The following TATDN3 variants were observed in gnomAD, a reference collection of about 807,000 sequenced individuals.
The protein encoded by TATDN3 is deoxyribonuclease TATDN3.
Under a neutral mutation model 40.1 loss-of-function variants are expected in TATDN3, and 29 were observed. The ratio of observed to expected loss-of-function variants is 0.72; its 90% CI spans 0.54 to 0.99. The LOEUF (loss-of-function observed/expected upper bound fraction) is 0.99, where lower values mean the gene tolerates loss of function less well. Ranked by LOEUF, TATDN3 falls within the 50% of genes least tolerant of loss-of-function variation. TATDN3 has a pLI of 0.00. For missense variants in TATDN3, 309 were observed against 321.9 expected, an observed-to-expected ratio of 0.96 and a Z score of 0.31; for synonymous variants, 105 against 117.0, an observed-to-expected ratio of 0.90 and a Z score of 0.66.
intron 4 of TATDN3, among the ~76,000 whole-genome samples, chr1:212,799,809 G>A (rs1420216599): frequency 6.6e-6 from 1 of 152,292 alleles, no homozygotes; most frequent in African/African-American, 2.4e-5. Flanking sequence ...AAAGTGCTGG[G>A]ATTATAGGTG....
intron 7 of TATDN3, among the ~76,000 whole-genome samples, chr1:212,805,437 G>C (rs1662400642): frequency 6.6e-6 from 1 of 151,814 alleles, no homozygotes; most frequent in Admixed American, 6.6e-5. Flanking sequence ...TGTATTTTTA[G>C]TAGAGATGGG....
rs572349444 is a variant in TATDN3, at chr1:212,809,456, G to A, written c.600+1608G>A. ...TCCCAGCACTTTGGGAGGCCGAGGC[G>A]GGCAGATCACGAGGTCAGGAGATCG... On this transcript the variant is annotated intron_variant, in intron 8 of 9. Transcript: ENST00000366974. 2.2e-3 allele frequency among the ~76,000 whole-genome samples: 340 copies of A among 151,510 alleles called. 3 individuals carry two copies. The highest frequency in any genetic ancestry group is 8.1e-3 in the African/African-American group (333 of 41,300).
intron 8 of TATDN3, among the ~76,000 whole-genome samples, chr1:212,808,312 CAAA>C (rs34100841): frequency 9.0e-6 from 1 of 111,460 alleles, no homozygotes. Context: ...AACTCCATCT[CAAA>C]AAAAAAAAAA....
chr1:212,798,325 C>CAAA (rs1269567768), intron 4 of TATDN3, among the ~76,000 whole-genome samples: 1 of 146,280 alleles, frequency 6.8e-6, no homozygotes, highest in African/African-American at 2.5e-5. Context: ...GACTCCATCT[C>CAAA]AAAAAAAAAA....
intron 4 of TATDN3, among the ~76,000 whole-genome samples, chr1:212,798,505 T>A (rs1661947427): frequency 7.9e-6 from 1 of 126,000 alleles, no homozygotes; most frequent in Admixed American, 9.9e-5. Context: ...AAGACCAGCC[T>A]GGGCAACATG....
chr1:212,800,632 T>A (rs1445506892), intron 4 of TATDN3, among the ~76,000 whole-genome samples: 1 of 152,162 alleles, frequency 6.6e-6, no homozygotes, highest in African/African-American at 2.4e-5. Flanking sequence ...TCTGAATAAA[T>A]CTCTTCTCCT....
intron 7 of TATDN3, among the ~76,000 whole-genome samples, chr1:212,806,807 CACAT>C (rs1662535140): frequency 1.2e-5 from 1 of 80,770 alleles, no homozygotes; most frequent in African/African-American, 4.0e-5. Context: ...CACATATATA[CACAT>C]ATATACACAT....
chr1:212,800,635 C>T lies in TATDN3; in HGVS notation c.259-2066C>T, dbSNP rs72743904. On this transcript the variant is annotated intron_variant, in intron 4 of 9. Transcript: ENST00000366974. ...ATTTAAAATCATTCTGAATAAATCTCTTCTCCTCCTTTGATCCCTTTTGCC... is the reference window on the plus strand; with the variant it reads ...ATTTAAAATCATTCTGAATAAATCTTTTCTCCTCCTTTGATCCCTTTTGCC... Among the ~76,000 whole-genome samples, 1,146 of 152,158 alleles carry T rather than the reference C, an allele frequency of 7.5e-3. 8 individuals are homozygous for T. The highest frequency in any genetic ancestry group is 0.013 in the Admixed American group (206 of 15,266).
Position 212,816,333 on chromosome 1 carries a change from A to C in TATDN3, c.*1177A>C, listed in dbSNP as rs577514026. 1 of 152,268 alleles carries C rather than the reference A, an allele frequency of 6.6e-6. No individual in the cohort carries two copies. The highest frequency in any genetic ancestry group is 2.1e-4 in the South Asian group (1 of 4,824). The allele number at this position is 152,268 out of a possible 1,614,324, so 9.4% of individuals were successfully genotyped here. On this transcript the variant is annotated 3_prime_UTR_variant, in exon 10 of 10. Coordinates refer to ENST00000366974, the MANE Select transcript of TATDN3 (RefSeq NM_001042552.3). ...ATCTCTAAAAATGTAAATAAATAAA[A>C]ATCTCAAAAAAATTAAAAATCTCAA...
chr1:212,814,566 A>C (rs1663084032), intron 9 of TATDN3, among the ~76,000 whole-genome samples: 1 of 152,248 alleles, frequency 6.6e-6, no homozygotes, highest in Non-Finnish European at 1.5e-5. Context: ...TCTTAGAATC[A>C]GTGAAATGCC....
At chr1:212,806,366 C>A (rs1417008396) in intron 7 of TATDN3, among the ~76,000 whole-genome samples, 2 of 101,146 alleles carry the variant, frequency 2.0e-5, no homozygotes, top group African/African-American at 3.4e-5. Context: ...ATTTCTCTCT[C>A]TCTTTTTTTT....
chr1:212,794,814 G>C, intron 1 of TATDN3: 1 of 568,204 alleles, frequency 1.8e-6, no homozygotes, highest in Non-Finnish European at 3.3e-6. Context: ...AGCAAGTGAG[G>C]GATTCCGAAT....
At position 212,804,303 on chromosome 1, in the gene TATDN3, T is replaced by C. The variant is rs1405252320; in HGVS notation, c.322-17T>C. On this transcript the variant is annotated splice_polypyrimidine_tract_variant and intron_variant, in intron 5 of 9. Transcript: ENST00000366974. ...CTTAAACCTAAATATGTAATATCTT[T>C]TATTTTTCTGCTCTAGGTTGGACTA... 3.8e-6 allele frequency: 6 copies of C among 1,592,660 alleles called. No homozygotes were observed. The highest frequency in any genetic ancestry group is 2.2e-5 in the East Asian group (1 of 44,764).
At chr1:212,810,348 T>A (rs1001631483) in intron 8 of TATDN3, among the ~76,000 whole-genome samples, 1 of 151,364 alleles carries the variant, frequency 6.6e-6, no homozygotes. Flanking sequence ...CCGTCTCTAC[T>A]AAAAATACAA....
chr1:212,801,890 CTCAT>C (rs1350810263), intron 4 of TATDN3, among the ~76,000 whole-genome samples: 2 of 152,194 alleles, frequency 1.3e-5, no homozygotes, highest in African/African-American at 2.4e-5. Context: ...TTCTCTCTCT[CTCAT>C]AGTTGTAAAA....
intron 1 of TATDN3, chr1:212,794,765 G>A (rs1422783518): frequency 2.0e-6 from 1 of 495,428 alleles, no homozygotes; most frequent in African/African-American, 1.9e-5. Flanking sequence ...TGGTATTGCA[G>A]AAGTGAAGGG....
chr1:212,807,721 T>A lies in TATDN3; in HGVS notation c.488-15T>A, dbSNP rs963833280. 1 of 1,582,782 alleles carries A rather than the reference T, an allele frequency of 6.3e-7. No homozygotes were observed. The highest frequency in any genetic ancestry group is 1.4e-5 in the African/African-American group (1 of 73,064). On this transcript the variant is annotated splice_polypyrimidine_tract_variant and intron_variant, in intron 7 of 9. Transcript: ENST00000366974. ...ACATAAAATGGAATACTGCCTTATC[T>A]TTCATTTTTGAAAGGTGCTGAGAAG...
chr1:212,798,820 C>T (rs578172514), intron 4 of TATDN3, among the ~76,000 whole-genome samples: 20 of 152,296 alleles, frequency 1.3e-4, no homozygotes, highest in African/African-American at 4.8e-4. Context: ...TAAGATCCTG[C>T]TCATGGAAGC....
At position 212,815,157 on chromosome 1, in the gene TATDN3, C is replaced by A; in HGVS notation, c.*1C>A. 6.2e-7 allele frequency: 1 copy of A among 1,606,678 alleles called. No individual in the cohort carries two copies. Among genetic ancestry groups the A allele is most frequent in the Non-Finnish European group, 8.5e-7 (1 of 1,177,804 alleles). On this transcript the variant is annotated 3_prime_UTR_variant, in exon 10 of 10. Coordinates refer to ENST00000366974, the MANE Select transcript of TATDN3 (RefSeq NM_001042552.3). ...GCTCCGACACTTGCTCCAGAAATAGCTTCAAAACCATCCATTACAAAATCG... is the reference window on the plus strand; with the variant it reads ...GCTCCGACACTTGCTCCAGAAATAGATTCAAAACCATCCATTACAAAATCG...
Sources: allele counts gnomAD v4.1 joint callset (sites outside exome capture counted in the v4.1 genomes callset), GRCh38; gene constraint gnomAD v4.1.1; transcripts MANE v1.5; gene names NCBI Gene and HGNC (gene_info 2026-07-23, HGNC 2026-07-21).